The following DCLK1 variants were observed in gnomAD, a reference collection of about 807,000 sequenced individuals.
The protein encoded by DCLK1 is doublecortin like kinase 1, also known as serine/threonine-protein kinase DCLK1.
DCLK1 carries 16 observed loss-of-function variants against 86.2 expected under a neutral mutation model. The ratio of observed to expected loss-of-function variants is 0.19; its 90% confidence interval spans 0.13 to 0.28. DCLK1 has a LOEUF of 0.28. DCLK1 is among the 10% of genes least tolerant of loss of function. The pLI, the probability that DCLK1 is intolerant of heterozygous loss-of-function variation, is 1.00. For missense variants in DCLK1, 590 were observed against 940.2 expected (o/e 0.63, Z 4.87); for synonymous variants, 369 against 370.5 (o/e 1.00, Z 0.05).
chr13:36,116,830 A>G (rs1043382309), intron 2 of DCLK1, among the ~76,000 whole-genome samples: 1 of 152,232 alleles, frequency 6.6e-6, no homozygotes, highest in African/African-American at 2.4e-5. Context: ...AAACCTCTGC[A>G]ACTGAACTGA....
At chr13:36,027,164 A>G (rs950380484) in intron 3 of DCLK1, among the ~76,000 whole-genome samples, 25 of 152,176 alleles carry the variant, frequency 1.6e-4, no homozygotes, top group Non-Finnish European at 2.2e-4. Flanking sequence ...TTTGGGAAAG[A>G]CAATTTTCCC....
intron 4 of DCLK1, among the ~76,000 whole-genome samples, chr13:35,946,631 C>A (rs1464475189): frequency 1.3e-5 from 2 of 152,188 alleles, no homozygotes; most frequent in Admixed American, 6.5e-5. Context: ...ATATGCAATA[C>A]TCCCATAATT....
chr13:35,834,767 G>C (rs972792661), intron 8 of DCLK1, among the ~76,000 whole-genome samples: 1 of 152,258 alleles, frequency 6.6e-6, no homozygotes, highest in Admixed American at 6.5e-5. Flanking sequence ...GATTTTTCAA[G>C]CTCCCTATGA....
chr13:35,850,387 T>G (rs1870520543), intron 6 of DCLK1: 1 of 1,020,668 alleles, frequency 9.8e-7, no homozygotes, highest in Non-Finnish European at 1.2e-6. Context: ...AAATTCTGGC[T>G]CTATATTGCC....
chr13:36,043,456 G>A (rs1303546373), intron 3 of DCLK1, among the ~76,000 whole-genome samples: 4 of 151,810 alleles, frequency 2.6e-5, no homozygotes, highest in Admixed American at 6.6e-5. Context: ...AAGTTTCAAA[G>A]AAGAGAAAAC....
intron 3 of DCLK1, among the ~76,000 whole-genome samples, chr13:36,000,745 A>G (rs1226475833): frequency 1.3e-5 from 2 of 152,158 alleles, no homozygotes; most frequent in Non-Finnish European, 2.9e-5. Context: ...AAAGCAAAAT[A>G]AAAACCCTGA....
In DCLK1 at chr13:35,907,427, C is replaced by T. The variant is rs569840505; in HGVS notation, c.824-36087G>A. Among the ~76,000 whole-genome samples, 434 of 152,040 alleles carry T rather than the reference C, an allele frequency of 2.9e-3. 2 individuals carry two copies. Among genetic ancestry groups the T allele is most frequent in the African/African-American group, 1.0e-2 (414 of 41,458 alleles). ...ATCCTCTCACCTTAGCCTTCCAAAG[C>T]GCTAGGATTACAGGCCTAAGCCACT... On this transcript the variant is annotated intron_variant, in intron 4 of 16. Coordinates refer to ENST00000360631, the MANE Select transcript of DCLK1 (RefSeq NM_001330071.2).
In DCLK1 at chr13:35,835,486, G is replaced by A. The variant is rs1420649374; in HGVS notation, c.1229+547C>T. ...TTCCGTCTAGTAGCCACCAGCTAAC[G>A]TCCTCCATTAGGTATCTAGAACCTC... On this transcript the variant is annotated intron_variant, in intron 8 of 16. Coordinates refer to ENST00000360631, the MANE Select transcript of DCLK1 (RefSeq NM_001330071.2). Among the ~76,000 whole-genome samples, 4 of 152,278 alleles carry A rather than the reference G, an allele frequency of 2.6e-5. No individual in the cohort carries two copies. In the East Asian group the frequency reaches 5.8e-4, roughly 22 times the overall value.
At chr13:35,815,675 T>C (rs2087249375) in intron 11 of DCLK1, among the ~76,000 whole-genome samples, 1 of 152,192 alleles carries the variant, frequency 6.6e-6, no homozygotes, top group South Asian at 2.1e-4. Context: ...GCCTTTATGA[T>C]GCTTTCTGAG....
intron 4 of DCLK1, among the ~76,000 whole-genome samples, chr13:35,917,868 T>G (rs1875526393): frequency 6.6e-6 from 1 of 152,150 alleles, no homozygotes; most frequent in Admixed American, 6.5e-5. Flanking sequence ...GGCTGGAGAC[T>G]GCACAATTGG....
intron 3 of DCLK1, among the ~76,000 whole-genome samples, chr13:35,952,123 A>T (rs1877726328): frequency 6.6e-6 from 1 of 152,198 alleles, no homozygotes; most frequent in Non-Finnish European, 1.5e-5. Flanking sequence ...AGCTTTTTTT[A>T]TTAGCCCAAA....
At chr13:35,829,569 CAGGCGTT>C (rs1273724937) in intron 8 of DCLK1, among the ~76,000 whole-genome samples, 1 of 152,118 alleles carries the variant, frequency 6.6e-6, no homozygotes, top group Non-Finnish European at 1.5e-5. Context: ...ATCAAGAGAC[CAGGCGTT>C]AATGTGTTTT....
At chr13:35,783,409 G>T (rs1044721676) in intron 16 of DCLK1, among the ~76,000 whole-genome samples, 1 of 151,998 alleles carries the variant, frequency 6.6e-6, no homozygotes, top group African/African-American at 2.4e-5. Context: ...TTGGAAGGTG[G>T]ATAACACTCT....
At chr13:35,838,413 C>A (rs974900126) in intron 7 of DCLK1, among the ~76,000 whole-genome samples, 8 of 152,164 alleles carry the variant, frequency 5.3e-5, no homozygotes, top group African/African-American at 1.9e-4. Context: ...TACTTCCCCA[C>A]AGTTGATTTG....
chr13:36,017,911 C>T (rs1881607663), intron 3 of DCLK1, among the ~76,000 whole-genome samples: 1 of 152,154 alleles, frequency 6.6e-6, no homozygotes, highest in African/African-American at 2.4e-5. Flanking sequence ...CCTCCCGACT[C>T]ATTAGAGCCA....
chr13:36,105,806 T>A (rs1885372610), intron 3 of DCLK1, among the ~76,000 whole-genome samples: 2 of 152,178 alleles, frequency 1.3e-5, no homozygotes, highest in African/African-American at 4.8e-5. Flanking sequence ...CAGCTGAATT[T>A]TTTTGTTTGT....
chr13:35,923,946 G>C (rs2153127487), intron 4 of DCLK1, among the ~76,000 whole-genome samples: 1 of 152,252 alleles, frequency 6.6e-6, no homozygotes, highest in African/African-American at 2.4e-5. Context: ...CAAAAGGAGA[G>C]GTCATTAAGG....
intron 3 of DCLK1, among the ~76,000 whole-genome samples, chr13:36,048,309 T>G (rs528613154): frequency 6.6e-6 from 1 of 152,136 alleles, no homozygotes; most frequent in South Asian, 2.1e-4. Flanking sequence ...AAGAAACAAC[T>G]AAAACAGTAT....
intron 3 of DCLK1, among the ~76,000 whole-genome samples, chr13:35,959,653 G>C (rs1229361281): frequency 6.6e-6 from 1 of 152,170 alleles, no homozygotes; most frequent in Non-Finnish European, 1.5e-5. Flanking sequence ...TGGGCAGGCA[G>C]TTTGTAGTCT....
Sources: allele counts gnomAD v4.1 joint callset (sites outside exome capture counted in the v4.1 genomes callset), GRCh38; gene constraint gnomAD v4.1.1; transcripts MANE v1.5; gene names NCBI Gene and HGNC (gene_info 2026-07-23, HGNC 2026-07-21).